Variants in SLC39A11 observed in about 807,000 individuals in gnomAD.
SLC39A11 encodes the protein solute carrier family 39 member 11, also known as zinc transporter ZIP11.
Under a neutral mutation model 36.1 loss-of-function variants are expected in SLC39A11, and 33 were observed. The ratio of observed to expected loss-of-function variants is 0.91; its 90% CI spans 0.69 to 1.22. The LOEUF is 1.22. Among genes scored for constraint, SLC39A11 ranks in the 50% most tolerant of loss-of-function variants. The probability of loss-of-function intolerance (pLI) is 0.00; values close to 1 mark genes in which losing one functional copy is unlikely to be tolerated. For synonymous variants in SLC39A11, 166 were observed against 170.3 expected (o/e 0.97, Z 0.20); for missense variants, 432 against 430.3 (o/e 1.00, Z -0.03).
intron 3 of SLC39A11, among the ~76,000 whole-genome samples, chr17:73,056,696 G>A (rs1049774496): frequency 6.6e-6 from 1 of 152,096 alleles, no homozygotes; most frequent in African/African-American, 2.4e-5. Flanking sequence ...GGAAGGTTAC[G>A]AGAAGACAGG....
intron 7 of SLC39A11, among the ~76,000 whole-genome samples, chr17:72,729,948 C>T (rs945742240): frequency 3.9e-5 from 6 of 152,116 alleles, no homozygotes; most frequent in African/African-American, 1.2e-4. Context: ...CTGCTATTGA[C>T]TTTCAACTAT....
intron 5 of SLC39A11, among the ~76,000 whole-genome samples, chr17:72,870,699 T>C (rs1009793391): frequency 1.3e-5 from 2 of 152,258 alleles, no homozygotes; most frequent in Non-Finnish European, 2.9e-5. Context: ...ATAATGTTGC[T>C]ACGGATTTGC....
chr17:72,665,200 G>A (rs951152375), intron 7 of SLC39A11, among the ~76,000 whole-genome samples: 3 of 152,052 alleles, frequency 2.0e-5, no homozygotes, highest in Non-Finnish European at 2.9e-5. Context: ...ATGGGAGTGC[G>A]CCATCTTGGA....
chr17:72,922,893 G>A (rs1387870745), intron 5 of SLC39A11, among the ~76,000 whole-genome samples: 18 of 148,680 alleles, frequency 1.2e-4, no homozygotes, highest in African/African-American at 2.2e-4. Context: ...CCTTGAACCC[G>A]GGAGGCGGAG....
intron 7 of SLC39A11, among the ~76,000 whole-genome samples, chr17:72,683,676 A>T (rs2071611843): frequency 6.6e-6 from 1 of 152,032 alleles, no homozygotes. Context: ...TACACACCCA[A>T]TACTTGTGCC....
At chr17:73,082,296 A>T (rs928538375) in intron 3 of SLC39A11, among the ~76,000 whole-genome samples, 1 of 151,956 alleles carries the variant, frequency 6.6e-6, no homozygotes, top group Non-Finnish European at 1.5e-5. Context: ...TAAATAATAT[A>T]TAAGAAACCA....
chr17:72,905,921 T>C (rs1173974582), intron 5 of SLC39A11, among the ~76,000 whole-genome samples: 1 of 152,042 alleles, frequency 6.6e-6, no homozygotes, highest in Non-Finnish European at 1.5e-5. Context: ...GCCCGGCTAA[T>C]GTTTTGTATA....
intron 6 of SLC39A11, among the ~76,000 whole-genome samples, chr17:72,794,779 G>GC (rs1211671963): frequency 6.6e-6 from 1 of 151,930 alleles, no homozygotes; most frequent in African/African-American, 2.4e-5. Flanking sequence ...CCTCCTCTCT[G>GC]CCCCTCTGAA....
chr17:72,927,100 G>A (rs2084093919), intron 5 of SLC39A11, among the ~76,000 whole-genome samples: 1 of 152,134 alleles, frequency 6.6e-6, no homozygotes, highest in African/African-American at 2.4e-5. Flanking sequence ...AGGCTGGAGT[G>A]CAGTGGTGTG....
chr17:72,997,401 C>T (rs879430677), intron 4 of SLC39A11, among the ~76,000 whole-genome samples: 1 of 152,174 alleles, frequency 6.6e-6, no homozygotes, highest in Admixed American at 6.5e-5. Context: ...TTATAGGTGG[C>T]CACCACCACG....
At chr17:72,697,205 C>G (rs1327495890) in intron 7 of SLC39A11, among the ~76,000 whole-genome samples, 2 of 152,196 alleles carry the variant, frequency 1.3e-5, no homozygotes, top group African/African-American at 4.8e-5. Flanking sequence ...ATGTCAGCCT[C>G]CTGAGTAGTT....
At chr17:72,966,772 T>C (rs545658377) in intron 4 of SLC39A11, among the ~76,000 whole-genome samples, 4 of 152,222 alleles carry the variant, frequency 2.6e-5, no homozygotes, top group Non-Finnish European at 4.4e-5. Flanking sequence ...GGTTTCCCCA[T>C]GTTAGCCAGG....
At chr17:72,943,614 C>A (rs1352280963) in intron 5 of SLC39A11, among the ~76,000 whole-genome samples, 1 of 152,162 alleles carries the variant, frequency 6.6e-6, no homozygotes, top group Non-Finnish European at 1.5e-5. Context: ...ACAGAAAATG[C>A]ACAGATGGCA....
chr17:73,078,165 G>A (rs1281729616), intron 3 of SLC39A11, among the ~76,000 whole-genome samples: 4 of 151,742 alleles, frequency 2.6e-5, no homozygotes, highest in Non-Finnish European at 4.4e-5. Flanking sequence ...ATGAACCCGG[G>A]AGGCGGAGGT....
intron 5 of SLC39A11, among the ~76,000 whole-genome samples, chr17:72,852,204 C>CAAAAAAAAAAAAAAAAAAAAAAAAAAA (rs1167034424): frequency 3.0e-4 from 12 of 39,906 alleles, no homozygotes; most frequent in East Asian, 1.4e-3. Context: ...GACTCCGTCT[C>CAAAAAAAAAAAAAAAAAAAAAAAAAAA]AAAAAAAAAA....
intron 5 of SLC39A11, among the ~76,000 whole-genome samples, chr17:72,913,858 A>G (rs577492269): frequency 6.6e-6 from 1 of 152,270 alleles, no homozygotes; most frequent in African/African-American, 2.4e-5. Flanking sequence ...TCCAGTTCCC[A>G]TTGACAACGG....
chr17:73,000,792 G>A (rs1056383410), intron 4 of SLC39A11, among the ~76,000 whole-genome samples: 1 of 152,174 alleles, frequency 6.6e-6, no homozygotes, highest in Non-Finnish European at 1.5e-5. Context: ...ATAGCTCCAA[G>A]ATATTAAGGC....
intron 2 of SLC39A11, among the ~76,000 whole-genome samples, chr17:73,085,593 G>T (rs1289164484): frequency 7.4e-6 from 1 of 135,972 alleles, no homozygotes; most frequent in Non-Finnish European, 1.5e-5. Context: ...AGTGAGCCAA[G>T]ATCATGCCAT....
chr17:73,052,183 A>AG (rs2059527299), intron 3 of SLC39A11, among the ~76,000 whole-genome samples: 1 of 151,530 alleles, frequency 6.6e-6, no homozygotes, highest in Non-Finnish European at 1.5e-5. Flanking sequence ...CCCCAGAAAA[A>AG]AAAAAGAAGA....
Sources: allele counts gnomAD v4.1 joint callset (sites outside exome capture counted in the v4.1 genomes callset), GRCh38; gene constraint gnomAD v4.1.1; transcripts MANE v1.5; gene names NCBI Gene and HGNC (gene_info 2026-07-23, HGNC 2026-07-21).